ACOX3: variants seen among roughly 807,000 people sequenced by gnomAD.
ACOX3 encodes the protein peroxisomal acyl-coenzyme A oxidase 3.
A neutral mutation model predicts 81.5 loss-of-function variants in ACOX3; 73 were observed. The observed-to-expected ratio is 0.90, with a 90% CI of 0.74 to 1.09. The LOEUF (loss-of-function observed/expected upper bound fraction) is 1.09, where lower values mean the gene tolerates loss of function less well. Among genes scored for constraint, ACOX3 ranks in the 50% least tolerant of loss-of-function variants. The probability of loss-of-function intolerance (pLI) is 0.00; values close to 1 mark genes in which losing one functional copy is unlikely to be tolerated. For missense variants in ACOX3, 947 were observed against 928.0 expected (o/e 1.02, Z -0.27); for synonymous variants, 387 against 375.1 (o/e 1.03, Z -0.37).
chr4:8,430,035 T>C lies in ACOX3; in HGVS notation c.-15+10613A>G, dbSNP rs1723865577. On this transcript the variant is annotated intron_variant, in intron 1 of 17. Transcript: ENST00000356406. The surrounding 1 kb of genome is among the most constrained non-coding windows in gnomAD (Gnocchi z 5.2). ...AGAAAGAGAAGTACAATTTTAAATG[T>C]GTATCAAGTTTAAGATGTTGGTAGG... 6.6e-6 allele frequency among the ~76,000 whole-genome samples: 1 copy of C among 152,226 alleles called. No homozygotes were observed. The highest frequency in any genetic ancestry group is 2.4e-5 in the African/African-American group (1 of 41,454).
chr4:8,427,953 C>T lies in ACOX3; in HGVS notation c.-14-11418G>A, dbSNP rs1326688775. 2.6e-5 allele frequency among the ~76,000 whole-genome samples: 4 copies of T among 152,096 alleles called. No homozygotes were observed. The East Asian group carries it at 5.8e-4, about 22-fold the overall frequency. On this transcript the variant is annotated intron_variant, in intron 1 of 17. Transcript: ENST00000356406. ...GGCTACTGTCATCCAAATACAGTGA[C>T]GCCTGCCTAGTGCCCAGGGTCTACC...
In ACOX3 at chr4:8,415,983, G is replaced by A. The variant is rs767070711; in HGVS notation, c.161C>T (p.Ala54Val). The change falls in exon 3 of 18, where the codon GCT (alanine) becomes GTT (valine). Residue 54 changes from alanine to valine, a missense_variant. Transcript: ENST00000356406. ...MLRFKKTIFS[A>V]LENDPLFARS... is the part of the protein sequence containing the mutation. ...AGCGAAAAGAGGGTCATTCTCAAGA[G>A]CTGAGAAGATGGTTTTCTGGAAATG... 3.1e-6 allele frequency: 5 copies of A among 1,614,144 alleles called. No individual in the cohort carries two copies. Among genetic ancestry groups the A allele is most frequent in the Non-Finnish European group, 4.2e-6 (5 of 1,180,000 alleles).
chr4:8,398,632 T>A (rs114914682), intron 8 of ACOX3, among the ~76,000 whole-genome samples: 2,096 of 152,232 alleles, frequency 0.014, 55 homozygotes, highest in African/African-American at 0.047. Context: ...CACGCTACCA[T>A]GCCCGGCTAA....
Position 8,407,098 on chromosome 4 carries a change from G to C in ACOX3, c.688-1055C>G, listed in dbSNP as rs1401455800. Among the ~76,000 whole-genome samples the C allele has an allele frequency of 6.6e-6, 1 of 152,198 alleles. No individual in the cohort carries two copies. Among genetic ancestry groups the C allele is most frequent in the Admixed American group, 6.5e-5 (1 of 15,292 alleles). ...GCTGGCATCACTGCTAGACCAAGGA[G>C]CCCTCTGGTGGCCCTGTCTGGGCAT... On this transcript the variant is annotated intron_variant, in intron 6 of 17. Transcript: ENST00000356406. This position sits in a 1 kb window ranked among gnomAD's most constrained non-coding sequence, Gnocchi z 4.6.
chr4:8,428,862 G>A (rs779760759), intron 1 of ACOX3, among the ~76,000 whole-genome samples: 3 of 152,182 alleles, frequency 2.0e-5, no homozygotes, highest in Non-Finnish European at 2.9e-5. Flanking sequence ...ATCGCTTGAG[G>A]CCAGGAGTTT....
downstream of ACOX3, among the ~76,000 whole-genome samples, chr4:8,365,415 G>T (rs2280570): frequency 0.24 from 36,795 of 152,178 alleles, 4,878 homozygotes; most frequent in African/African-American, 0.36. Flanking sequence ...TTCAGGTGGG[G>T]ATGCTCCTGG....
At chr4:8,392,833 T>C (rs1196154602) in intron 10 of ACOX3, among the ~76,000 whole-genome samples, 1 of 152,052 alleles carries the variant, frequency 6.6e-6, no homozygotes, top group Non-Finnish European at 1.5e-5. Context: ...AGCGAAACCA[T>C]GAAGAAAGGC....
In ACOX3 at chr4:8,414,403, G is replaced by T; in HGVS notation, c.454-22C>A. The T allele has an allele frequency of 6.2e-7, 1 of 1,604,204 alleles. No homozygotes were observed. Among genetic ancestry groups the T allele is most frequent in the Non-Finnish European group, 8.5e-7 (1 of 1,170,974 alleles). ...AAATCTAAATGTCAAAGCACAAAAT[G>T]ATGGAAAGCAAGAAAAGTTCTTTGT... On this transcript the variant is annotated intron_variant, in intron 4 of 17. Coordinates refer to ENST00000356406, the MANE Select transcript of ACOX3 (RefSeq NM_003501.3). The surrounding 1 kb of genome is among the most constrained non-coding windows in gnomAD (Gnocchi z 6.1).
rs1434765876 is a variant in ACOX3, at chr4:8,430,414, C to G, written c.-15+10234G>C. Among the ~76,000 whole-genome samples, 67 of 152,138 alleles carry G rather than the reference C, an allele frequency of 4.4e-4. No homozygotes were observed. Among genetic ancestry groups the G allele is most frequent in the Admixed American group, 4.3e-3 (66 of 15,286 alleles). On this transcript the variant is annotated intron_variant, in intron 1 of 17. Transcript: ENST00000356406. The surrounding 1 kb of genome is among the most constrained non-coding windows in gnomAD (Gnocchi z 5.2). ...AGCAATCATGGTCTAATAAAAAATA[C>G]ACACCACTGTTTTTCAAATGTTTGG... is the stretch of plus-strand genomic sequence containing the variant.
intron 9 of ACOX3, among the ~76,000 whole-genome samples, chr4:8,395,839 A>C (rs1423547032): frequency 2.6e-5 from 4 of 152,244 alleles, no homozygotes; most frequent in Non-Finnish European, 5.9e-5. Context: ...GGACAGAAAC[A>C]ACTGCAATTC....
At chr4:8,391,148 G>A (rs1429427160) in intron 11 of ACOX3, among the ~76,000 whole-genome samples, 2 of 152,054 alleles carry the variant, frequency 1.3e-5, no homozygotes, top group Non-Finnish European at 2.9e-5. Context: ...ACTATTTATA[G>A]AATCCCGATG....
rs1719438212 is a variant in ACOX3 at position 8,394,458 on chromosome 4, G to C, written c.1179+162C>G. 6.6e-6 allele frequency among the ~76,000 whole-genome samples: 1 copy of C among 152,202 alleles called. No homozygotes were observed. Among genetic ancestry groups the C allele is most frequent in the African/African-American group, 2.4e-5 (1 of 41,448 alleles). On this transcript the variant is annotated intron_variant, in intron 10 of 17. Transcript: ENST00000356406. The surrounding 1 kb of genome is among the most constrained non-coding windows in gnomAD (Gnocchi z 5.9). ...GGACGCGTGCCCAGCCCGTTCAATC[G>C]CGGCAGAGGCCAAGAGCTCCGAGTG...
intron 1 of ACOX3, among the ~76,000 whole-genome samples, chr4:8,425,054 C>A (rs534849917): frequency 1.3e-5 from 2 of 152,192 alleles, no homozygotes; most frequent in Non-Finnish European, 2.9e-5. Context: ...CATGCCCATG[C>A]AGCAATATGG....
chr4:8,385,245 C>A lies in ACOX3; in HGVS notation c.1538-3638G>T, dbSNP rs1444364315. 1.3e-5 allele frequency among the ~76,000 whole-genome samples: 2 copies of A among 152,162 alleles called. No homozygotes were observed. The highest frequency in any genetic ancestry group is 4.8e-5 in the African/African-American group (2 of 41,446). On this transcript the variant is annotated intron_variant, in intron 13 of 17. Transcript: ENST00000356406. This position sits in a 1 kb window ranked among gnomAD's most constrained non-coding sequence, Gnocchi z 5.5. ...CCACTGCTCACCTCATATGACCCCA[C>A]TGCCCACCTCACATGACCTCACCAT...
chr4:8,402,565 T>C (rs931705559), intron 7 of ACOX3, among the ~76,000 whole-genome samples: 2 of 152,230 alleles, frequency 1.3e-5, no homozygotes, highest in African/African-American at 4.8e-5. Context: ...ATATTTATAC[T>C]TGCAAAAACA....
intron 8 of ACOX3, among the ~76,000 whole-genome samples, chr4:8,398,610 G>A (rs12499931): frequency 0.011 from 1,645 of 152,170 alleles, 10 homozygotes; most frequent in South Asian, 0.034. Context: ...ACCAAGTAAC[G>A]GACCACAGGC....
intron 16 of ACOX3, 86 bp downstream of exon 16, chr4:8,373,475 G>GTCTGGGTGATACTAAGGCGGTGCGTGTCA: frequency 7.0e-7 from 1 of 1,418,826 alleles, no homozygotes; most frequent in Non-Finnish European, 9.8e-7. Flanking sequence ...GGTGCGTGTC[G>GTCTGGGTGATACTAAGGCGGTGCGTGTCA]GTCTGGGTGA....
Position 8,399,741 on chromosome 4 carries a change from TC to T in ACOX3, c.777-90del. 8.4e-7 allele frequency: 1 copy of T among 1,191,396 alleles called. No homozygotes were observed. Among genetic ancestry groups the T allele is most frequent in the Non-Finnish European group, 1.2e-6 (1 of 813,462 alleles). 73.8% of individuals were successfully genotyped at this position (1,191,396 alleles called of 1,614,324 possible). On this transcript the variant is annotated intron_variant, in intron 7 of 17. Coordinates refer to ENST00000356406, the MANE Select transcript of ACOX3 (RefSeq NM_003501.3). The surrounding 1 kb of genome is among the most constrained non-coding windows in gnomAD (Gnocchi z 4.9). ...AAGGGCAGCCTAAAAGCTGATGCAA[TC>T]CCCGAGGACAAAGAAAATGGCAGAG...
chr4:8,396,569 C>T (rs1462451210), intron 9 of ACOX3, among the ~76,000 whole-genome samples: 5 of 150,966 alleles, frequency 3.3e-5, no homozygotes, highest in Admixed American at 1.3e-4. Flanking sequence ...CCCAGCTACT[C>T]GGGAGGCTGA....
Sources: gnomAD v4.1 joint callset for allele counts (sites outside exome capture counted in the v4.1 genomes callset) on GRCh38, gnomAD v4.1.1 for gene constraint, Gnocchi (gnomAD v3.1) non-coding constraint, MANE v1.5 for transcripts, NCBI Gene and HGNC (gene_info 2026-07-23, HGNC 2026-07-21) for gene names.